CCDC171: variants seen among roughly 807,000 people sequenced by gnomAD.
CCDC171 encodes coiled-coil domain-containing protein 171.
In CCDC171, 177 loss-of-function variants were observed where a neutral mutation model predicts 168.2. The observed-to-expected ratio is 1.05, with a 90% CI of 0.93 to 1.19. The LOEUF is 1.19. Among genes scored for constraint, CCDC171 ranks in the 50% most tolerant of loss-of-function variants. The probability of loss-of-function intolerance (pLI) is 0.00; values close to 1 mark genes in which losing one functional copy is unlikely to be tolerated. For synonymous variants in CCDC171, 687 were observed against 540.8 expected (o/e 1.27, Z -3.75); for missense variants, 1,991 against 1,539.0 (o/e 1.29, Z -4.91).
At chr9:16,079,068 G>C in the CCDC171 span, among the ~76,000 whole-genome samples, 1 of 152,198 alleles carries the variant, frequency 6.6e-6, no homozygotes, top group African/African-American at 2.4e-5. Context: ...GCCAAGTTAA[G>C]TTCCTGGATT....
intron 6 of CCDC171, among the ~76,000 whole-genome samples, chr9:15,622,058 C>T (rs2044552132): frequency 6.6e-6 from 1 of 152,194 alleles, no homozygotes; most frequent in Non-Finnish European, 1.5e-5. Context: ...CATGTTCTCA[C>T]TTCCAAGTGG....
the CCDC171 span, among the ~76,000 whole-genome samples, chr9:16,071,967 A>G: frequency 6.6e-6 from 1 of 152,032 alleles, no homozygotes; most frequent in African/African-American, 2.4e-5. Context: ...TCACTGTTGT[A>G]TATCATCCAA....
intron 24 of CCDC171, among the ~76,000 whole-genome samples, chr9:15,909,539 TGG>T (rs1823301929): frequency 6.6e-6 from 1 of 152,194 alleles, no homozygotes; most frequent in Admixed American, 6.5e-5. Context: ...CAAGTATTTG[TGG>T]GCAGGACCAG....
intron 8 of CCDC171, among the ~76,000 whole-genome samples, chr9:15,658,726 C>T (rs111627036): frequency 6.6e-6 from 1 of 152,042 alleles, no homozygotes; most frequent in Non-Finnish European, 1.5e-5. Flanking sequence ...GGGTGGCCTC[C>T]AGAAGTTAGA....
rs76773495 is a variant in CCDC171 at position 15,835,015 on chromosome 9, T to C, written c.3268-11687T>C. Among the ~76,000 whole-genome samples, 1,206 of 152,346 alleles carry C rather than the reference T, an allele frequency of 7.9e-3. 12 individuals are homozygous for C. The highest frequency in any genetic ancestry group is 0.028 in the African/African-American group (1,150 of 41,574). Reference sequence around the variant, plus strand: ...CTTGTGGAATTCAGAAAATCATTTATCTGTGAAGAATGTTGATTTGGGGTT... The same window carrying C: ...CTTGTGGAATTCAGAAAATCATTTACCTGTGAAGAATGTTGATTTGGGGTT... On this transcript the variant is annotated intron_variant, in intron 21 of 25. Transcript: ENST00000380701.
chr9:15,957,243 T>C (rs1389355766), intron 25 of CCDC171, among the ~76,000 whole-genome samples: 2 of 152,126 alleles, frequency 1.3e-5, no homozygotes, highest in Non-Finnish European at 2.9e-5. Context: ...TTTGCTGCCG[T>C]GTCAAGTGAA....
At position 15,744,634 on chromosome 9, in the gene CCDC171, G is replaced by T. The variant is rs776613649; in HGVS notation, c.2411G>T (p.Gly804Val). ...GGATTGATACGTATATTTCGGAAAG[G>T]TGTTATTGCTGTTTTGGCAGCAAAC... ...FKGLIRIFRK[G>V]VIAVLAANRL... Residue 804 changes from glycine (G) to valine (V), a missense_variant, in exon 17 of 26, where the codon GGT becomes GTT. Gly to Val is a moderately radical substitution (Grantham distance 109, BLOSUM62 -3). Coordinates refer to ENST00000380701, the MANE Select transcript of CCDC171 (RefSeq NM_173550.4). The T allele has an allele frequency of 1.2e-6, 2 of 1,614,194 alleles. No individual in the cohort carries two copies. Among genetic ancestry groups the T allele is most frequent in the Middle Eastern group, 1.7e-4 (1 of 6,060 alleles).
chr9:15,700,802 G>T (rs2051670978), intron 11 of CCDC171, among the ~76,000 whole-genome samples: 1 of 151,866 alleles, frequency 6.6e-6, no homozygotes, highest in Middle Eastern at 3.4e-3. Context: ...TAGATTTTTT[G>T]AGAAATCTCC....
the CCDC171 span, among the ~76,000 whole-genome samples, chr9:16,103,320 A>G: frequency 2.0e-5 from 3 of 152,170 alleles, no homozygotes; most frequent in Non-Finnish European, 4.4e-5. Context: ...GGGAGCAGGG[A>G]GATCTGGGTT....
chr9:16,000,752 A>G (rs984988487), intron 3 of CCDC171, among the ~76,000 whole-genome samples: 4 of 151,312 alleles, frequency 2.6e-5, no homozygotes, highest in African/African-American at 4.9e-5. Context: ...TTCACCTACT[A>G]TGTGCAGAAG....
At chr9:16,072,227 C>T in the CCDC171 span, among the ~76,000 whole-genome samples, 1 of 152,188 alleles carries the variant, frequency 6.6e-6, no homozygotes, top group East Asian at 1.9e-4. Flanking sequence ...ACCTTCTTTT[C>T]CTCTGCTATT....
downstream of CCDC171, among the ~76,000 whole-genome samples, chr9:15,977,910 T>C (rs1157280043): frequency 6.6e-6 from 1 of 152,230 alleles, no homozygotes; most frequent in African/African-American, 2.4e-5. Flanking sequence ...GGAATTGTAT[T>C]GGATGCCTAG....
chr9:15,582,488 T>G (rs2041206812), intron 4 of CCDC171, among the ~76,000 whole-genome samples: 1 of 152,210 alleles, frequency 6.6e-6, no homozygotes, highest in Non-Finnish European at 1.5e-5. Context: ...CACGTATGTT[T>G]ATTGTGGCAC....
At chr9:15,859,958 C>T (rs1447549164) in intron 23 of CCDC171, among the ~76,000 whole-genome samples, 1 of 151,874 alleles carries the variant, frequency 6.6e-6, no homozygotes, top group Non-Finnish European at 1.5e-5. Flanking sequence ...TAAGCCACCA[C>T]ACCCAGCCTC....
intron 1 of CCDC171, among the ~76,000 whole-genome samples, chr9:16,059,671 C>A (rs11789976): frequency 1.3e-5 from 2 of 150,268 alleles, no homozygotes; most frequent in African/African-American, 2.5e-5. Context: ...CCCGCCACCG[C>A]GCCCGGCTAA....
At chr9:15,740,108 AT>A (rs2134532565) in intron 16 of CCDC171, among the ~76,000 whole-genome samples, 1 of 152,240 alleles carries the variant, frequency 6.6e-6, no homozygotes, top group South Asian at 2.1e-4. Context: ...AGTTTTAACA[AT>A]CCTATCTTTA....
In CCDC171 at chr9:15,971,809, C is replaced by T; in HGVS notation, c.3954C>T (p.Ala1318=). Residue 1318 remains alanine (A), a synonymous_variant, in exon 26 of 26, where the codon GCC becomes GCT. Coordinates refer to ENST00000380701, the MANE Select transcript of CCDC171 (RefSeq NM_173550.4). ...HSSPVTMSAN[A]NRPTQIGL ...CTCCAGTGACTATGTCTGCTAATGCCAACAGACCAACTCAGATTGGATTAT... is the reference window on the plus strand; with the variant it reads ...CTCCAGTGACTATGTCTGCTAATGCTAACAGACCAACTCAGATTGGATTAT... 6.2e-7 allele frequency: 1 copy of T among 1,613,104 alleles called. No homozygotes were observed. Among genetic ancestry groups the T allele is most frequent in the Non-Finnish European group, 8.5e-7 (1 of 1,179,176 alleles).
chr9:15,696,925 A>G (rs910465201), intron 11 of CCDC171, among the ~76,000 whole-genome samples: 2 of 152,104 alleles, frequency 1.3e-5, no homozygotes, highest in Non-Finnish European at 2.9e-5. Flanking sequence ...GCACTGAATT[A>G]GTGATTTTTG....
intron 21 of CCDC171, among the ~76,000 whole-genome samples, chr9:15,787,704 G>C (rs888818604): frequency 9.2e-5 from 14 of 152,080 alleles, no homozygotes; most frequent in Admixed American, 2.6e-4. Context: ...TTATCAATTG[G>C]CCTACAGCAA....
Sources: allele counts gnomAD v4.1 joint callset (sites outside exome capture counted in the v4.1 genomes callset), GRCh38; gene constraint gnomAD v4.1.1; transcripts MANE v1.5; gene names NCBI Gene and HGNC (gene_info 2026-07-23, HGNC 2026-07-21).